The following SNX13 variants were observed in gnomAD, a reference collection of about 807,000 sequenced individuals.
SNX13 encodes sorting nexin 13, also known as sorting nexin-13.
A neutral mutation model predicts 133.6 loss-of-function variants in SNX13; 45 were observed. The observed-to-expected ratio is 0.34, with a 90% CI of 0.27 to 0.43. SNX13 has a LOEUF of 0.43. SNX13 is among the 20% of genes least tolerant of loss of function. The pLI is 1.00. For synonymous variants in SNX13, 414 were observed against 373.9 expected (o/e 1.11, Z -1.24); for missense variants, 1,032 against 1,145.1 (o/e 0.90, Z 1.43).
chr7:17,846,159 A>G (rs555530950), intron 11 of SNX13, among the ~76,000 whole-genome samples: 9 of 152,298 alleles, frequency 5.9e-5, no homozygotes, highest in African/African-American at 2.2e-4. Flanking sequence ...ATTATTAGAT[A>G]AAATGTGTTT....
At chr7:17,934,260 T>C (rs1436942168) in intron 1 of SNX13, among the ~76,000 whole-genome samples, 1 of 152,158 alleles carries the variant, frequency 6.6e-6, no homozygotes, top group Non-Finnish European at 1.5e-5. Flanking sequence ...CAGATTACAA[T>C]CAATTGAGGA....
At chr7:17,914,292 A>G (rs1799312951) in intron 1 of SNX13, among the ~76,000 whole-genome samples, 1 of 152,194 alleles carries the variant, frequency 6.6e-6, no homozygotes. Context: ...GATGAAAGTA[A>G]GCAACTTGGA....
intron 18 of SNX13, 39 bp from the exon 19 acceptor site, chr7:17,816,328 G>A (rs1786658908): frequency 1.3e-6 from 2 of 1,509,966 alleles, no homozygotes; most frequent in African/African-American, 1.4e-5. Flanking sequence ...TTTTTATAAA[G>A]ACAAAAGGTT....
At chr7:17,808,558 C>T (rs1165846074) in intron 20 of SNX13, among the ~76,000 whole-genome samples, 1 of 152,176 alleles carries the variant, frequency 6.6e-6, no homozygotes, top group African/African-American at 2.4e-5. Flanking sequence ...AGAACTTCCC[C>T]AACCTAGCAA....
In SNX13 at chr7:17,794,177, G is replaced by C. The variant is rs1783814181; in HGVS notation, c.2742C>G (p.Gly914=). The C allele has an allele frequency of 6.2e-7, 1 of 1,611,602 alleles. No individual in the cohort carries two copies. Among genetic ancestry groups the C allele is most frequent in the Non-Finnish European group, 8.5e-7 (1 of 1,178,456 alleles). ...ACTGTGGAAATAAGGTTTCTAAAAA[G>C]CCTTCCAAGAAGACATAAACCATTC... The part of the protein sequence containing the change: ...NRRMVYVFLE[G]FLETLFPQYK... The change falls in exon 26 of 26, where the codon GGC becomes GGG. Residue 914 remains glycine, a synonymous_variant. Transcript: ENST00000428135.
chr7:17,896,154 C>T (rs1275771584), intron 2 of SNX13, among the ~76,000 whole-genome samples: 1 of 152,138 alleles, frequency 6.6e-6, no homozygotes, highest in African/African-American at 2.4e-5. Flanking sequence ...GTAGTATCTT[C>T]AATCATCTTT....
At chr7:17,847,459 G>A (rs950263777) in intron 11 of SNX13, among the ~76,000 whole-genome samples, 29 of 152,130 alleles carry the variant, frequency 1.9e-4, no homozygotes, top group African/African-American at 6.8e-4. Flanking sequence ...AGTCTCCCGA[G>A]TAGCTCGGAT....
chr7:17,914,800 T>C (rs1479923302), intron 1 of SNX13, among the ~76,000 whole-genome samples: 2 of 152,094 alleles, frequency 1.3e-5, no homozygotes, highest in South Asian at 2.1e-4. Context: ...CCAGACCCCA[T>C]AAAACAACTA....
chr7:17,795,237 T>C, intron 25 of SNX13: 1 of 151,544 alleles, frequency 6.6e-6, no homozygotes, highest in Non-Finnish European at 1.5e-5. Flanking sequence ...TGTATGATTA[T>C]TAATTATTCA....
rs1784477253 is a variant in SNX13 at position 17,800,317 on chromosome 7, A to G, written c.2299-1163T>C. Among the ~76,000 whole-genome samples the G allele has an allele frequency of 4.7e-5, 7 of 150,366 alleles. No homozygotes were observed. In the South Asian group the frequency reaches 1.5e-3, roughly 31 times the overall value. On this transcript the variant is annotated intron_variant, in intron 22 of 25. Coordinates refer to ENST00000428135, the MANE Select transcript of SNX13 (RefSeq NM_015132.5). ...TATAAACAAATTCGATTAGAAACAG[A>G]AAGGAGATAATTACAACTTAAAATA...
rs1052777034 is a variant in SNX13, at chr7:17,798,601, G to T, written c.2513+89C>A. On this transcript the variant is annotated intron_variant, in intron 24 of 25. Transcript: ENST00000428135. ...ATAACTAAACCAACTTTATGTCCAGGAAGGAAACAAAAGCAATGAAAGTTA... is the reference window on the plus strand; with the variant it reads ...ATAACTAAACCAACTTTATGTCCAGTAAGGAAACAAAAGCAATGAAAGTTA... 4 of 985,710 alleles carry T rather than the reference G, an allele frequency of 4.1e-6. No individual in the cohort carries two copies. The African/African-American group carries it at 5.1e-5, about 13-fold the overall frequency. 61.1% of individuals were successfully genotyped at this position (985,710 alleles called of 1,614,324 possible).
At chr7:17,862,785 G>A (rs181553184) in intron 9 of SNX13, among the ~76,000 whole-genome samples, 5 of 152,184 alleles carry the variant, frequency 3.3e-5, no homozygotes, top group South Asian at 4.2e-4. Context: ...GGAGGAGGCC[G>A]AGCAAGGTGG....
intron 5 of SNX13, among the ~76,000 whole-genome samples, chr7:17,878,808 C>CT (rs1415837095): frequency 1.3e-5 from 2 of 152,184 alleles, no homozygotes; most frequent in Admixed American, 6.5e-5. Flanking sequence ...CTCCCTTCCT[C>CT]TTTGTTATGC....
chr7:17,884,915 A>C (rs1465944837), intron 5 of SNX13, among the ~76,000 whole-genome samples: 2 of 152,216 alleles, frequency 1.3e-5, no homozygotes, highest in African/African-American at 4.8e-5. Context: ...GCTGGTGGAA[A>C]CGTAACAAAA....
intron 21 of SNX13, among the ~76,000 whole-genome samples, chr7:17,802,322 G>A (rs1196996073): frequency 6.6e-6 from 1 of 152,074 alleles, no homozygotes; most frequent in East Asian, 1.9e-4. Flanking sequence ...TAGTAGTACT[G>A]CCAGGGAACA....
At position 17,845,682 on chromosome 7, in the gene SNX13, C is replaced by A. The variant is rs1453929903; in HGVS notation, c.1078G>T (p.Val360Leu). The change falls in exon 12 of 26, where the codon GTG becomes TTG. Residue 360 changes from valine to leucine, a missense_variant. Coordinates refer to ENST00000428135, the MANE Select transcript of SNX13 (RefSeq NM_015132.5). Reference sequence around the variant, plus strand: ...TTCCCAAAGTTTGCTGCAAGTTTCACAGTATTTATTTCCTACAGGCAAAAG... The same window carrying A: ...TTCCCAAAGTTTGCTGCAAGTTTCAAAGTATTTATTTCCTACAGGCAAAAG... ...RLQSGKEINT[V>L]KLAANFGKLC... 1.3e-6 allele frequency: 2 copies of A among 1,594,312 alleles called. No homozygotes were observed. Among genetic ancestry groups the A allele is most frequent in the East Asian group, 2.3e-5 (1 of 44,146 alleles).
intron 17 of SNX13, among the ~76,000 whole-genome samples, chr7:17,821,914 G>A (rs1021964508): frequency 2.0e-5 from 3 of 151,850 alleles, no homozygotes; most frequent in Admixed American, 1.3e-4. Context: ...ATCACAAAGC[G>A]GTACCTATTA....
At chr7:17,809,844 A>G (rs1464468412) in intron 20 of SNX13, among the ~76,000 whole-genome samples, 1 of 152,242 alleles carries the variant, frequency 6.6e-6, no homozygotes, top group East Asian at 1.9e-4. Flanking sequence ...CTACATGGAA[A>G]CTGAACAACC....
chr7:17,882,733 T>A (rs1227811188), intron 5 of SNX13: 1 of 1,057,500 alleles, frequency 9.5e-7, no homozygotes, highest in Non-Finnish European at 1.2e-6. Context: ...AGTAACAACC[T>A]GACCAGAGAA....
Sources: allele counts gnomAD v4.1 joint callset (sites outside exome capture counted in the v4.1 genomes callset), GRCh38; gene constraint gnomAD v4.1.1; transcripts MANE v1.5; gene names NCBI Gene and HGNC (gene_info 2026-07-23, HGNC 2026-07-21).